The following ZFTRAF1 variants were observed in gnomAD, a reference collection of about 807,000 sequenced individuals.
ZFTRAF1 encodes the protein zinc finger TRAF-type and ring finger containing 1, also known as zinc finger TRAF-type-containing protein 1.
chr8:144,453,532 A>G, the ZFTRAF1 span: 86 of 1,367,532 alleles, frequency 6.3e-5, no homozygotes, highest in African/African-American at 1.0e-3. Context: ...GCCCATGCCC[A>G]TCAGCTCCAG....
the ZFTRAF1 span, among the ~76,000 whole-genome samples, chr8:144,458,112 A>G: frequency 2.6e-5 from 4 of 152,194 alleles, no homozygotes; most frequent in Non-Finnish European, 5.9e-5. Context: ...CGAATCAAAC[A>G]TGGGTCTGAG....
At chr8:144,459,667 G>A in the ZFTRAF1 span, among the ~76,000 whole-genome samples, 1 of 152,194 alleles carries the variant, frequency 6.6e-6, no homozygotes, top group African/African-American at 2.4e-5. Context: ...AGTTACTGAG[G>A]ACCCAGCCAA....
the ZFTRAF1 span, chr8:144,452,665 C>T: frequency 3.3e-6 from 4 of 1,213,380 alleles, no homozygotes; most frequent in Non-Finnish European, 4.6e-6. Context: ...GCTAAGAACC[C>T]CTTCCTGCAG....
the ZFTRAF1 span, chr8:144,453,371 A>G: frequency 1.3e-6 from 2 of 1,551,082 alleles, no homozygotes; most frequent in African/African-American, 2.7e-5. Flanking sequence ...CACAACGACA[A>G]TTGGGGCACG....
At chr8:144,451,241 C>A in the ZFTRAF1 span, 3 of 164,762 alleles carry the variant, frequency 1.8e-5, no homozygotes, top group African/African-American at 7.2e-5. Context: ...AGGCACCGGG[C>A]CTGATCCGGA....
At chr8:144,452,201 C>A in the ZFTRAF1 span, 4 of 845,332 alleles carry the variant, frequency 4.7e-6, no homozygotes, top group Admixed American at 2.0e-5. Flanking sequence ...CCTGTCTTCT[C>A]GACCGAGGTG....
At chr8:144,453,416 T>G in the ZFTRAF1 span, 1 of 1,551,124 alleles carries the variant, frequency 6.4e-7, no homozygotes, top group Non-Finnish European at 8.7e-7. Context: ...CATCTGCTAG[T>G]AGGTGGATAA....
At chr8:144,455,577 T>A in the ZFTRAF1 span, 1 of 152,214 alleles carries the variant, frequency 6.6e-6, no homozygotes, top group African/African-American at 2.4e-5. Context: ...CCCGGAGGTA[T>A]GCCACTCCAC....
the ZFTRAF1 span, chr8:144,452,142 G>A: frequency 4.7e-6 from 3 of 635,434 alleles, no homozygotes; most frequent in East Asian, 2.9e-5. Flanking sequence ...GAGCCACACA[G>A]GTGTGCACCT....
At chr8:144,460,781 G>C in the ZFTRAF1 span, among the ~76,000 whole-genome samples, 2 of 152,236 alleles carry the variant, frequency 1.3e-5, no homozygotes, top group African/African-American at 4.8e-5. Flanking sequence ...TACTCGGGAG[G>C]CTGAGGTAGG....
chr8:144,452,700 C>A, the ZFTRAF1 span: 1 of 827,254 alleles, frequency 1.2e-6, no homozygotes, highest in Non-Finnish European at 1.9e-6. Context: ...TGAGCCCACC[C>A]CCCAGGATGA....
chr8:144,457,126 T>A, the ZFTRAF1 span: 1 of 149,868 alleles, frequency 6.7e-6, no homozygotes, highest in Non-Finnish European at 1.5e-5. Flanking sequence ...GATGACATCA[T>A]GTGGTGACAG....
At chr8:144,453,703 C>G in the ZFTRAF1 span, 1 of 475,284 alleles carries the variant, frequency 2.1e-6, no homozygotes, top group Admixed American at 3.4e-5. Context: ...GCCTCATCAG[C>G]TCACAGAGGT....
chr8:144,453,132 A>G, the ZFTRAF1 span: 1 of 1,196,500 alleles, frequency 8.4e-7, no homozygotes, highest in Non-Finnish European at 1.2e-6. Flanking sequence ...AGACAGCCAG[A>G]CCACCCTGCA....
At chr8:144,458,020 T>C in the ZFTRAF1 span, 149,680 of 152,448 alleles carry the variant, frequency 0.98, 73,597 homozygotes, top group Middle Eastern at 1. Flanking sequence ...CTCTGCCATC[T>C]GCATGCAGGC....
the ZFTRAF1 span, chr8:144,462,150 T>G: frequency 2.2e-5 from 8 of 356,454 alleles, no homozygotes; most frequent in Non-Finnish European, 3.0e-5. Context: ...AGGAAGTGGC[T>G]GTAAGGGCCA....
At chr8:144,457,634 G>A in the ZFTRAF1 span, 1 of 152,172 alleles carries the variant, frequency 6.6e-6, no homozygotes, top group Non-Finnish European at 1.5e-5. Context: ...CAGACCCAGG[G>A]TCTCCACCTG....
chr8:144,452,949 G>A, the ZFTRAF1 span, among the ~76,000 whole-genome samples: 3 of 152,248 alleles, frequency 2.0e-5, no homozygotes, highest in Admixed American at 1.3e-4. Flanking sequence ...CGTTGGACAC[G>A]CTGTCCTGGG....
At chr8:144,458,785 G>A in the ZFTRAF1 span, among the ~76,000 whole-genome samples, 5 of 152,304 alleles carry the variant, frequency 3.3e-5, no homozygotes, top group South Asian at 4.1e-4. Flanking sequence ...TGCCTCTGCC[G>A]GGCCCAAGAG....
Sources: allele counts gnomAD v4.1 joint callset (sites outside exome capture counted in the v4.1 genomes callset), GRCh38; gene constraint gnomAD v4.1.1; transcripts MANE v1.5; gene names NCBI Gene and HGNC (gene_info 2026-07-23, HGNC 2026-07-21).